The following CHM variants were observed in gnomAD, a reference collection of about 807,000 sequenced individuals.
CHM encodes the protein rab proteins geranylgeranyltransferase component A 1.
CHM carries 10 observed loss-of-function variants against 49.0 expected under a neutral mutation model. The observed-to-expected ratio is 0.20, with a 90% CI of 0.13 to 0.35. CHM has a LOEUF of 0.35. Ranked by LOEUF, CHM falls within the 10% of genes least tolerant of loss-of-function variation. The pLI is 1.00. For synonymous variants in CHM, 184 were observed against 167.5 expected, an observed-to-expected ratio of 1.10 and a Z score of -0.76; for missense variants, 455 against 478.4, an observed-to-expected ratio of 0.95 and a Z score of 0.46.
intron 14 of CHM, among the ~76,000 whole-genome samples, chrX:85,865,072 A>G (rs2148112279): frequency 9.0e-6 from 1 of 111,412 alleles, no homozygotes; most frequent in African/African-American, 3.3e-5. Context: ...TTCATTATCA[A>G]GTGTTCAGAT....
chrX:85,926,132 A>C (rs774765553), intron 8 of CHM, among the ~76,000 whole-genome samples: 3 of 111,130 alleles, frequency 2.7e-5, no homozygotes, highest in Non-Finnish European at 3.8e-5. Flanking sequence ...TAAAAAAAAA[A>C]CACAAAAAAC....
At chrX:85,895,835 A>T (rs1267783383) in intron 11 of CHM, among the ~76,000 whole-genome samples, 1 of 111,477 alleles carries the variant, frequency 9.0e-6, no homozygotes, top group Non-Finnish European at 1.9e-5. Context: ...TTAAATGAGT[A>T]CAACTAAAAA....
chrX:85,959,909 CAACT>C (rs931490832), intron 5 of CHM, among the ~76,000 whole-genome samples: 10 of 111,699 alleles, frequency 9.0e-5, no homozygotes, highest in African/African-American at 2.9e-4. Flanking sequence ...TTAGTCTGAG[CAACT>C]AATAAGTCAG....
intron 1 of CHM, among the ~76,000 whole-genome samples, chrX:86,045,127 A>G (rs919809813): frequency 2.7e-5 from 3 of 112,104 alleles, no homozygotes; most frequent in East Asian, 2.8e-4. Flanking sequence ...GCTAAAAAGT[A>G]TATCTAATAG....
chrX:86,002,602 G>A (rs1214131602), intron 2 of CHM, among the ~76,000 whole-genome samples: 1 of 112,105 alleles, frequency 8.9e-6, no homozygotes, highest in Non-Finnish European at 1.9e-5. Flanking sequence ...GCGGGGTGTC[G>A]CATCACCTGG....
At chrX:85,885,545 A>G (rs1416928606) in intron 12 of CHM, among the ~76,000 whole-genome samples, 2 of 111,224 alleles carry the variant, frequency 1.8e-5, no homozygotes, top group Admixed American at 9.6e-5. Flanking sequence ...CTCTAATTAA[A>G]TCACCAAAGT....
At chrX:85,903,916 A>C (rs1193594947) in intron 9 of CHM, among the ~76,000 whole-genome samples, 2 of 111,422 alleles carry the variant, frequency 1.8e-5, no homozygotes, top group Non-Finnish European at 3.8e-5. Context: ...TGAAGTACTA[A>C]GACTCTAGGC....
intron 2 of CHM, among the ~76,000 whole-genome samples, chrX:85,985,519 G>A (rs1344675944): frequency 9.0e-6 from 1 of 110,705 alleles, no homozygotes; most frequent in African/African-American, 3.3e-5. Context: ...AACCAGGGAC[G>A]GAAGCGGTCC....
intron 8 of CHM, among the ~76,000 whole-genome samples, chrX:85,920,165 G>A (rs776733723): frequency 2.2e-3 from 239 of 108,506 alleles, no homozygotes; most frequent in Non-Finnish European, 3.7e-3. Context: ...GCGCGATCTC[G>A]GCTCACTGCA....
intron 8 of CHM, among the ~76,000 whole-genome samples, chrX:85,933,053 C>G (rs747404910): frequency 2.7e-5 from 3 of 110,708 alleles, no homozygotes; most frequent in Non-Finnish European, 5.7e-5. Context: ...ACCTAAGAAC[C>G]TAAACTCAAA....
At chrX:85,921,838 T>C (rs1441786421) in intron 8 of CHM, among the ~76,000 whole-genome samples, 1 of 112,580 alleles carries the variant, frequency 8.9e-6, no homozygotes. Flanking sequence ...TTTTCTGTCA[T>C]GTTGTAATGT....
At chrX:85,995,321 G>A (rs1932391532) in intron 2 of CHM, among the ~76,000 whole-genome samples, 1 of 101,958 alleles carries the variant, frequency 9.8e-6, no homozygotes, top group Non-Finnish European at 2.0e-5. Context: ...TTATTATCAG[G>A]CCTTGGCAGC....
chrX:86,007,446 A>G (rs1259888790), intron 2 of CHM, among the ~76,000 whole-genome samples: 1 of 111,841 alleles, frequency 8.9e-6, no homozygotes, highest in Non-Finnish European at 1.9e-5. Flanking sequence ...TGCACAGCAA[A>G]AGAAACTACC....
chrX:86,039,861 A>G (rs1033135832), intron 1 of CHM, among the ~76,000 whole-genome samples: 1 of 111,461 alleles, frequency 9.0e-6, no homozygotes, highest in African/African-American at 3.3e-5. Flanking sequence ...TGACAGCGTA[A>G]CTTCGAAGAA....
intron 8 of CHM, among the ~76,000 whole-genome samples, chrX:85,942,200 A>G (rs1268444928): frequency 2.7e-5 from 3 of 109,669 alleles, no homozygotes; most frequent in Admixed American, 2.0e-4. Context: ...TGCATGTTAT[A>G]TGAAGAGGTG....
At chrX:86,007,564 G>GA (rs1482278897) in intron 2 of CHM, among the ~76,000 whole-genome samples, 1 of 111,403 alleles carries the variant, frequency 9.0e-6, no homozygotes, top group African/African-American at 3.3e-5. Flanking sequence ...AGATTTACAA[G>GA]AAAAAAACAA....
At chrX:86,005,849 T>A (rs1479171812) in intron 2 of CHM, among the ~76,000 whole-genome samples, 1 of 111,857 alleles carries the variant, frequency 8.9e-6, no homozygotes, top group Admixed American at 9.5e-5. Context: ...GAGGAGCTGG[T>A]AGCAATCCTT....
At chrX:85,943,011 T>C (rs1413796656) in intron 8 of CHM, among the ~76,000 whole-genome samples, 17 of 104,005 alleles carry the variant, frequency 1.6e-4, no homozygotes, top group African/African-American at 7.1e-5. Flanking sequence ...ACATGCAGTG[T>C]TTGGTTTTTT....
chrX:85,958,399 G>C (rs920668342), intron 6 of CHM, among the ~76,000 whole-genome samples: 2 of 111,670 alleles, frequency 1.8e-5, no homozygotes, highest in Non-Finnish European at 1.9e-5. Flanking sequence ...GGTGCTGTGA[G>C]CAGGATAGCA....
Sources: gnomAD v4.1 joint callset for allele counts (sites outside exome capture counted in the v4.1 genomes callset) on GRCh38, gnomAD v4.1.1 for gene constraint, MANE v1.5 for transcripts, NCBI Gene and HGNC (gene_info 2026-07-23, HGNC 2026-07-21) for gene names.